The following SCIN variants were observed in gnomAD, a reference collection of about 807,000 sequenced individuals.
SCIN encodes the protein adseverin.
Under a neutral mutation model 91.8 loss-of-function variants are expected in SCIN, and 91 were observed. The ratio of observed to expected loss-of-function variants is 0.99; its 90% confidence interval spans 0.84 to 1.18. The LOEUF (loss-of-function observed/expected upper bound fraction) is 1.18. Among genes scored for constraint, SCIN ranks in the 50% most tolerant of loss-of-function variants. SCIN has a pLI of 0.00. For missense variants in SCIN, 1,087 were observed against 863.9 expected (o/e 1.26, Z -3.24); for synonymous variants, 367 against 312.6 (o/e 1.17, Z -1.84).
intron 9 of SCIN, among the ~76,000 whole-genome samples, chr7:12,632,153 A>G (rs1477846226): frequency 9.8e-6 from 1 of 102,528 alleles, no homozygotes. Context: ...TATTTTAGAC[A>G]AAGTCTCACT....
chr7:12,621,656 T>C (rs1783411413), intron 4 of SCIN, among the ~76,000 whole-genome samples: 3 of 117,226 alleles, frequency 2.6e-5, no homozygotes, highest in Non-Finnish European at 5.7e-5. Flanking sequence ...TTTTTTTTTT[T>C]TGCTTGATTC....
intron 3 of SCIN, among the ~76,000 whole-genome samples, chr7:12,590,348 G>C (rs565627733): frequency 6.6e-6 from 1 of 152,250 alleles, no homozygotes; most frequent in East Asian, 1.9e-4. Flanking sequence ...GATGGAGGGA[G>C]AGTGGAGGGC....
intron 3 of SCIN, among the ~76,000 whole-genome samples, chr7:12,593,940 A>G (rs1782781951): frequency 6.6e-6 from 1 of 152,200 alleles, no homozygotes; most frequent in Non-Finnish European, 1.5e-5. Flanking sequence ...AGTTCATAAG[A>G]TTGAGTAAGA....
At chr7:12,591,405 T>C (rs371682988) in intron 3 of SCIN, among the ~76,000 whole-genome samples, 1 of 152,128 alleles carries the variant, frequency 6.6e-6, no homozygotes, top group South Asian at 2.1e-4. Flanking sequence ...TCTAGTGCTT[T>C]AAAGCAGGCT....
chr7:12,599,204 T>G (rs1201133195), intron 3 of SCIN, among the ~76,000 whole-genome samples: 2 of 152,210 alleles, frequency 1.3e-5, no homozygotes, highest in South Asian at 4.1e-4. Context: ...AAAAGAAAAC[T>G]TGACTTTTAA....
At position 12,636,191 on chromosome 7, in the gene SCIN, G is replaced by A; in HGVS notation, c.1410+56G>A. 2.4e-6 allele frequency: 3 copies of A among 1,248,982 alleles called. No individual in the cohort carries two copies. In the South Asian group the frequency reaches 3.8e-5, roughly 16 times the overall value. 77.4% of individuals were successfully genotyped at this position (1,248,982 alleles called of 1,614,324 possible). A position where few individuals can be genotyped will look rare whatever the true frequency, so the allele number is the denominator to read the frequency against. On this transcript the variant is annotated intron_variant, in intron 10 of 15. Coordinates refer to ENST00000297029, the MANE Select transcript of SCIN (RefSeq NM_001112706.3). Reference sequence around the variant, plus strand: ...CAAGTTAAAGTCTTGCTAGCTCAATGGATAGCTATAGCTCCCTCCCAAGTT... The same window carrying A: ...CAAGTTAAAGTCTTGCTAGCTCAATAGATAGCTATAGCTCCCTCCCAAGTT...
At position 12,657,211 on chromosome 7, in the gene SCIN, A is replaced by ATTTTTT. The variant is rs57131728; in HGVS notation, c.*4516_*4521dup. On this transcript the variant is annotated 3_prime_UTR_variant, in exon 16 of 16. Transcript: ENST00000297029. The stretch of plus-strand genomic sequence containing the variant: ...TGTGTGTACTAAAGGATATAATATG[A>ATTTTTT]TTTTTTTTTTTTTTTTTTTTTTTTT... 57 of 82,548 alleles carry ATTTTTT rather than the reference A, an allele frequency of 6.9e-4. 1 individual carries two copies. Among genetic ancestry groups the ATTTTTT allele is most frequent in the South Asian group, 9.6e-4 (2 of 2,094 alleles). The allele number at this position is 82,548 out of a possible 1,614,324, so 5.1% of individuals were successfully genotyped here.
chr7:12,585,686 C>T (rs893333204), intron 3 of SCIN, among the ~76,000 whole-genome samples: 22 of 152,318 alleles, frequency 1.4e-4, no homozygotes, highest in African/African-American at 5.3e-4. Flanking sequence ...CTCCCAAGTG[C>T]TCTACATTCA....
rs562640089 is a variant in SCIN at position 12,602,614 on chromosome 7, T to C, written c.517-1900T>C. Among the ~76,000 whole-genome samples, 26 of 152,268 alleles carry C rather than the reference T, an allele frequency of 1.7e-4. No individual in the cohort carries two copies. In the South Asian group the frequency reaches 1.9e-3, roughly 11 times the overall value. On this transcript the variant is annotated intron_variant, in intron 3 of 15. Coordinates refer to ENST00000297029, the MANE Select transcript of SCIN (RefSeq NM_001112706.3). The stretch of plus-strand genomic sequence containing the variant: ...CCCCCAAGGAATGCAATTCCTTTCC[T>C]AGGGTCTTAATATTAATATTCCTTG...
chr7:12,636,169 G>A (rs933255159), intron 10 of SCIN, 34 bp downstream of exon 10: 2 of 1,533,806 alleles, frequency 1.3e-6, no homozygotes, highest in Non-Finnish European at 9.0e-7. Flanking sequence ...ACTCACACAA[G>A]TTAAAGTCTT....
chr7:12,636,284 C>G, intron 10 of SCIN, 149 bp downstream of exon 10: 1 of 613,560 alleles, frequency 1.6e-6, no homozygotes, highest in East Asian at 2.9e-5. Context: ...TATTCCTACT[C>G]TCATTTCAAA....
chr7:12,604,468 T>C, intron 3 of SCIN, 46 bp from the exon 4 acceptor site: 1 of 1,520,762 alleles, frequency 6.6e-7, no homozygotes, highest in Non-Finnish European at 8.9e-7. Flanking sequence ...AGGCTGAATG[T>C]CTTCCTCATA....
intron 3 of SCIN, among the ~76,000 whole-genome samples, chr7:12,590,464 G>A (rs1369488379): frequency 6.6e-6 from 1 of 151,978 alleles, no homozygotes; most frequent in Non-Finnish European, 1.5e-5. Context: ...TAGGTATGGG[G>A]GCGCACACTG....
intron 10 of SCIN, among the ~76,000 whole-genome samples, chr7:12,638,290 C>T (rs956822841): frequency 6.6e-6 from 1 of 152,178 alleles, no homozygotes; most frequent in Non-Finnish European, 1.5e-5. Context: ...CTCTCCCTCT[C>T]TCTCATTCCC....
At chr7:12,613,115 C>A (rs890851801) in intron 4 of SCIN, among the ~76,000 whole-genome samples, 1 of 152,120 alleles carries the variant, frequency 6.6e-6, no homozygotes, top group Non-Finnish European at 1.5e-5. Flanking sequence ...TATATCTGAA[C>A]TGATAAGCTA....
intron 3 of SCIN, among the ~76,000 whole-genome samples, chr7:12,594,728 A>G (rs1051847612): frequency 3.3e-5 from 5 of 152,106 alleles, no homozygotes; most frequent in Non-Finnish European, 7.3e-5. Context: ...CAGACGACAA[A>G]GACGAGAGAG....
rs554112869 is a variant in SCIN, at chr7:12,649,701, C to A, written c.1959+157C>A. ...CACATTTGGTAAAAAATGAAACTAA[C>A]ACATATGGCAAGTTGATTTCTTAGT... is the stretch of plus-strand genomic sequence containing the variant. On this transcript the variant is annotated intron_variant, in intron 14 of 15. Coordinates refer to ENST00000297029, the MANE Select transcript of SCIN (RefSeq NM_001112706.3). 3.9e-5 allele frequency among the ~76,000 whole-genome samples: 6 copies of A among 152,300 alleles called. No individual in the cohort carries two copies. The South Asian group carries it at 1.2e-3, about 32-fold the overall frequency.
rs1481427946 is a variant in SCIN at position 12,657,555 on chromosome 7, TATATATATATATATA to T, written c.*4841_*4855del. On this transcript the variant is annotated 3_prime_UTR_variant, in exon 16 of 16. Transcript: ENST00000297029. ...ATGTGTGTGTATATATATATATATA[TATATATATATATATA>T]TATTTTTTTTTTTTTTTTTTTTTTT... 88 of 20,490 alleles carry T rather than the reference TATATATATATATATA, an allele frequency of 4.3e-3. No homozygotes were observed. Among genetic ancestry groups the T allele is most frequent in the Non-Finnish European group, 7.9e-3 (67 of 8,534 alleles). The allele number at this position is 20,490 out of a possible 1,614,324, so 1.3% of individuals were successfully genotyped here. A position where few individuals can be genotyped will look rare whatever the true frequency, so the allele number is the denominator to read the frequency against.
rs774870062 is a variant in SCIN at position 12,648,356 on chromosome 7, G to A, written c.1882-1111G>A. On this transcript the variant is annotated intron_variant, in intron 13 of 15. Coordinates refer to ENST00000297029, the MANE Select transcript of SCIN (RefSeq NM_001112706.3). ...CTGTTGCCCAGGCTGGAGTGCAATG[G>A]CACGGTCTTGACTCACTGCAACCTC... Among the ~76,000 whole-genome samples, 5 of 148,722 alleles carry A rather than the reference G, an allele frequency of 3.4e-5. No individual in the cohort carries two copies. In the South Asian group the frequency reaches 1.1e-3, roughly 32 times the overall value.
Sources: gnomAD v4.1 joint callset for allele counts (sites outside exome capture counted in the v4.1 genomes callset) on GRCh38, gnomAD v4.1.1 for gene constraint, MANE v1.5 for transcripts, NCBI Gene and HGNC (gene_info 2026-07-23, HGNC 2026-07-21) for gene names.